TBC1D20: variants seen among roughly 807,000 people sequenced by gnomAD.
The protein encoded by TBC1D20 is chromosome 20 open reading frame 140.
TBC1D20 carries 12 observed loss-of-function variants against 41.6 expected under a neutral mutation model. The ratio of observed to expected loss-of-function variants is 0.29; its 90% CI spans 0.18 to 0.47. The LOEUF is 0.47. Ranked by LOEUF, TBC1D20 falls within the 20% of genes least tolerant of loss-of-function variation. The probability of loss-of-function intolerance (pLI) is 1.00; values close to 1 mark genes in which losing one functional copy is unlikely to be tolerated. For missense variants in TBC1D20, 421 were observed against 517.4 expected, an observed-to-expected ratio of 0.81 and a Z score of 1.81; for synonymous variants, 205 against 204.8, an observed-to-expected ratio of 1.00 and a Z score of -0.01.
intron 1 of TBC1D20, among the ~76,000 whole-genome samples, chr20:462,106 G>A (rs1003175966): frequency 3.9e-5 from 6 of 152,206 alleles, no homozygotes; most frequent in African/African-American, 1.4e-4. Context: ...ACGCGACTCT[G>A]CCGCCAGGCT....
chr20:447,421 G>A (rs980083542), intron 2 of TBC1D20, among the ~76,000 whole-genome samples: 2 of 151,956 alleles, frequency 1.3e-5, no homozygotes, highest in African/African-American at 4.8e-5. Context: ...ACTTTGGGAG[G>A]CCGAAGCAGG....
rs144920397 is a variant in TBC1D20 at position 436,741 on chromosome 20, G to A, written c.*1845C>T. 141 of 153,828 alleles carry A rather than the reference G, an allele frequency of 9.2e-4. No homozygotes were observed. The highest frequency in any genetic ancestry group is 1.6e-3 in the Non-Finnish European group (108 of 68,046). The allele number at this position is 153,828 out of a possible 1,614,324, so 9.5% of individuals were successfully genotyped here. ...ACACCACTGTCTAAATTAATCCATC[G>A]ACATCACACTTACCCCACAGTGGGG... On this transcript the variant is annotated 3_prime_UTR_variant, in exon 8 of 8. Coordinates refer to ENST00000354200, the MANE Select transcript of TBC1D20 (RefSeq NM_144628.4).
intron 1 of TBC1D20, chr20:450,668 G>A (rs1317901422): frequency 6.6e-6 from 1 of 152,138 alleles, no homozygotes; most frequent in Non-Finnish European, 1.5e-5. Context: ...TTTAGGACTG[G>A]TCCCTGAGTG....
chr20:444,547 CTTTTT>C (rs1600332254), intron 3 of TBC1D20, among the ~76,000 whole-genome samples: 1 of 126,774 alleles, frequency 7.9e-6, no homozygotes. Flanking sequence ...GGAATACATT[CTTTTT>C]TGTTTGTTTG....
chr20:447,596 T>G (rs2017360568), intron 2 of TBC1D20, among the ~76,000 whole-genome samples: 1 of 152,082 alleles, frequency 6.6e-6, no homozygotes, highest in Non-Finnish European at 1.5e-5. Flanking sequence ...GGGCAGAGGT[T>G]GCAGTGAGCT....
At chr20:457,271 G>T (rs1055941500) in intron 1 of TBC1D20, among the ~76,000 whole-genome samples, 2 of 151,852 alleles carry the variant, frequency 1.3e-5, no homozygotes, top group African/African-American at 2.4e-5. Context: ...TTTAGACAGG[G>T]TCTCACTCTG....
At chr20:453,153 CAAAAAAAAAAAAAAA>C (rs71191943) in intron 1 of TBC1D20, among the ~76,000 whole-genome samples, 993 of 44,854 alleles carry the variant, frequency 0.022, 6 homozygotes, top group African/African-American at 0.027. Flanking sequence ...AACTCCGTTT[CAAAAAAAAAAAAAAA>C]AAAAAAAAAA....
chr20:437,161 G>A lies in TBC1D20; in HGVS notation c.*1425C>T, dbSNP rs1387984219. ...AATAAATAAAAATAAAGTGCTTAGT[G>A]TAACTCAGCGGACAGGGCTCCCAGC... On this transcript the variant is annotated 3_prime_UTR_variant, in exon 8 of 8. Coordinates refer to ENST00000354200, the MANE Select transcript of TBC1D20 (RefSeq NM_144628.4). The A allele has an allele frequency of 2.0e-5, 3 of 152,538 alleles. No homozygotes were observed. The highest frequency in any genetic ancestry group is 4.4e-5 in the Non-Finnish European group (3 of 68,070). The allele number at this position is 152,538 out of a possible 1,614,324, so 9.4% of individuals were successfully genotyped here. A position where few individuals can be genotyped will look rare whatever the true frequency, so the allele number is the denominator to read the frequency against.
rs950614349 is a variant in TBC1D20 at position 437,122 on chromosome 20, G to C, written c.*1464C>G. ...GAGTGAGACTCCATCTCAGAAAAAA[G>C]AAAATAATAATAAAATAAATAAAAA... On this transcript the variant is annotated 3_prime_UTR_variant, in exon 8 of 8. Transcript: ENST00000354200. 2 of 152,130 alleles carry C rather than the reference G, an allele frequency of 1.3e-5. No individual in the cohort carries two copies. Among genetic ancestry groups the C allele is most frequent in the South Asian group, 4.2e-4 (2 of 4,816 alleles). The allele number at this position is 152,130 out of a possible 1,614,324, so 9.4% of individuals were successfully genotyped here. A position where few individuals can be genotyped will look rare whatever the true frequency, so the allele number is the denominator to read the frequency against.
intron 2 of TBC1D20, among the ~76,000 whole-genome samples, chr20:446,486 G>A (rs540430900): frequency 6.6e-6 from 1 of 152,134 alleles, no homozygotes; most frequent in South Asian, 2.1e-4. Context: ...AATTACAGGT[G>A]TGTGCCACCA....
intron 1 of TBC1D20, among the ~76,000 whole-genome samples, chr20:458,309 T>C (rs554804764): frequency 1.2e-3 from 183 of 151,724 alleles, no homozygotes; most frequent in Admixed American, 2.5e-3. Context: ...TAAGACTCTG[T>C]TCCAATTTTT....
At chr20:451,077 T>C (rs2017433458) in intron 1 of TBC1D20, among the ~76,000 whole-genome samples, 1 of 152,102 alleles carries the variant, frequency 6.6e-6, no homozygotes, top group Admixed American at 6.5e-5. Context: ...AGACTATAAT[T>C]GTCAAAAAAG....
rs191072879 is a variant in TBC1D20, at chr20:459,129, G to A, written c.70+3207C>T. ...GAGATCAACTGCTAGACGACACAGGGAGGGAGTTAGCAGCGTCTCCACTGA... is the reference window on the plus strand; with the variant it reads ...GAGATCAACTGCTAGACGACACAGGAAGGGAGTTAGCAGCGTCTCCACTGA... On this transcript the variant is annotated intron_variant, in intron 1 of 7. Transcript: ENST00000354200. 7.3e-4 allele frequency among the ~76,000 whole-genome samples: 111 copies of A among 152,374 alleles called. 1 individual carries two copies. The highest frequency in any genetic ancestry group is 2.6e-3 in the African/African-American group (110 of 41,596).
chr20:442,863 A>C (rs988662955), intron 3 of TBC1D20, among the ~76,000 whole-genome samples: 4 of 152,158 alleles, frequency 2.6e-5, no homozygotes, highest in African/African-American at 2.4e-5. Context: ...TTTGGGAGGC[A>C]GAGGCAGGTG....
At chr20:438,878 G>T in intron 7 of TBC1D20, 37 bp from the exon 8 acceptor site, 1 of 1,605,170 alleles carries the variant, frequency 6.2e-7, no homozygotes. Context: ...GAAGTGGTAT[G>T]AAAGAGGAGG....
chr20:457,287 T>C (rs953046447), intron 1 of TBC1D20, among the ~76,000 whole-genome samples: 2 of 152,084 alleles, frequency 1.3e-5, no homozygotes, highest in African/African-American at 4.8e-5. Flanking sequence ...CTCTGTTGCC[T>C]TGGCTGGAGT....
At chr20:450,810 G>C (rs1442130117) in intron 1 of TBC1D20, 2 of 152,080 alleles carry the variant, frequency 1.3e-5, no homozygotes, top group Non-Finnish European at 2.9e-5. Context: ...GGAATTTGTG[G>C]TTAGTAGCTA....
At chr20:440,510 C>T in intron 5 of TBC1D20, 121 bp from the exon 6 acceptor site, 2 of 1,272,518 alleles carry the variant, frequency 1.6e-6, no homozygotes, top group Non-Finnish European at 2.1e-6. Flanking sequence ...ATTCAGTTAC[C>T]TAGGAATTCA....
chr20:438,884 G>T, intron 7 of TBC1D20, 43 bp from the exon 8 acceptor site: 1 of 1,603,214 alleles, frequency 6.2e-7, no homozygotes. Flanking sequence ...GTATGAAAGA[G>T]GAGGAGGAAA....
Sources: allele counts gnomAD v4.1 joint callset (sites outside exome capture counted in the v4.1 genomes callset), GRCh38; gene constraint gnomAD v4.1.1; transcripts MANE v1.5; gene names NCBI Gene and HGNC (gene_info 2026-07-23, HGNC 2026-07-21).